The following KHDRBS3 variants were observed in gnomAD, a reference collection of about 807,000 sequenced individuals.
KHDRBS3 encodes KH RNA binding domain containing, signal transduction associated 3, also known as KH domain-containing, RNA-binding, signal transduction-associated protein 3.
Under a neutral mutation model 45.6 loss-of-function variants are expected in KHDRBS3, and 23 were observed. The observed-to-expected ratio is 0.50, with a 90% CI of 0.36 to 0.72. The LOEUF is 0.72. Ranked by LOEUF, KHDRBS3 falls within the 30% of genes least tolerant of loss-of-function variation. The probability of loss-of-function intolerance (pLI) is 0.00; values close to 1 mark genes in which losing one functional copy is unlikely to be tolerated. For synonymous variants in KHDRBS3, 162 were observed against 156.5 expected (o/e 1.04, Z -0.26); for missense variants, 352 against 424.8 (o/e 0.83, Z 1.51).
chr8:135,474,671 GA>G (rs1262888267), intron 1 of KHDRBS3, among the ~76,000 whole-genome samples: 17 of 152,102 alleles, frequency 1.1e-4, no homozygotes, highest in African/African-American at 3.9e-4. Context: ...ATCTGTGTAG[GA>G]AAAAAATGCT....
At chr8:135,498,420 T>G (rs1481223406) in intron 1 of KHDRBS3, among the ~76,000 whole-genome samples, 1 of 148,702 alleles carries the variant, frequency 6.7e-6, no homozygotes, top group Non-Finnish European at 1.5e-5. Context: ...GATCTTAGTT[T>G]ACATGTCCTT....
intron 7 of KHDRBS3, among the ~76,000 whole-genome samples, chr8:135,644,660 C>T (rs1268284980): frequency 2.0e-5 from 3 of 152,212 alleles, no homozygotes; most frequent in African/African-American, 7.2e-5. Flanking sequence ...TCCCACAGTG[C>T]CTTGCACAGG....
intron 1 of KHDRBS3, among the ~76,000 whole-genome samples, chr8:135,520,655 G>A (rs1824859303): frequency 6.6e-6 from 1 of 152,190 alleles, no homozygotes; most frequent in African/African-American, 2.4e-5. Context: ...ATGTGGTTGA[G>A]TCTCGAAAGG....
At chr8:135,484,737 T>A (rs1822759359) in intron 1 of KHDRBS3, among the ~76,000 whole-genome samples, 1 of 152,234 alleles carries the variant, frequency 6.6e-6, no homozygotes, top group Non-Finnish European at 1.5e-5. Context: ...TTGCTTAGCA[T>A]ATTTAAAACT....
chr8:135,621,289 A>G (rs557077773), intron 7 of KHDRBS3, among the ~76,000 whole-genome samples: 1 of 152,340 alleles, frequency 6.6e-6, no homozygotes, highest in African/African-American at 2.4e-5. Flanking sequence ...AATAAGTACT[A>G]TATAAATTAG....
chr8:135,485,065 C>T (rs1280501936), intron 1 of KHDRBS3, among the ~76,000 whole-genome samples: 2 of 152,130 alleles, frequency 1.3e-5, no homozygotes, highest in African/African-American at 2.4e-5. Flanking sequence ...ACAGAAAAAA[C>T]CCTCTCTCTC....
intron 6 of KHDRBS3, among the ~76,000 whole-genome samples, chr8:135,590,123 C>T (rs183699895): frequency 2.6e-5 from 4 of 152,280 alleles, no homozygotes; most frequent in East Asian, 1.9e-4. Context: ...AGCCCACTAC[C>T]GCCTAGGCTA....
intron 1 of KHDRBS3, among the ~76,000 whole-genome samples, chr8:135,510,047 A>G (rs1304341014): frequency 6.9e-6 from 1 of 144,802 alleles, no homozygotes; most frequent in Non-Finnish European, 1.5e-5. Flanking sequence ...TAGTGCAGGC[A>G]TAGGTCACTA....
At chr8:135,606,028 T>G (rs1829446262) in intron 6 of KHDRBS3, among the ~76,000 whole-genome samples, 2 of 152,158 alleles carry the variant, frequency 1.3e-5, no homozygotes, top group African/African-American at 2.4e-5. Flanking sequence ...TCTTATAAAG[T>G]CTCTATTTCT....
At chr8:135,493,977 G>C (rs1381442401) in intron 1 of KHDRBS3, among the ~76,000 whole-genome samples, 1 of 152,076 alleles carries the variant, frequency 6.6e-6, no homozygotes, top group Non-Finnish European at 1.5e-5. Context: ...CTTTTTGAGT[G>C]AGCTTTGGTA....
At chr8:135,515,948 A>G (rs1232866215) in intron 1 of KHDRBS3, among the ~76,000 whole-genome samples, 4 of 152,224 alleles carry the variant, frequency 2.6e-5, no homozygotes, top group Non-Finnish European at 5.9e-5. Flanking sequence ...GTTCTGAGGA[A>G]TGCATCCTTA....
intron 5 of KHDRBS3, among the ~76,000 whole-genome samples, chr8:135,576,621 C>T (rs977185593): frequency 5.9e-5 from 9 of 152,000 alleles, no homozygotes; most frequent in African/African-American, 2.2e-4. Context: ...TGGCACTACA[C>T]ATTGCTCCAG....
chr8:135,519,706 A>G (rs892465197), intron 1 of KHDRBS3, among the ~76,000 whole-genome samples: 2 of 152,218 alleles, frequency 1.3e-5, no homozygotes, highest in Admixed American at 1.3e-4. Context: ...CAGATCTGAG[A>G]CGAGAATCTA....
intron 4 of KHDRBS3, among the ~76,000 whole-genome samples, chr8:135,553,419 T>C (rs572786968): frequency 6.7e-6 from 1 of 150,266 alleles, no homozygotes; most frequent in South Asian, 2.1e-4. Flanking sequence ...TAGTACCTTT[T>C]GTTTTTAACT....
At chr8:135,529,306 T>G (rs573377416) in intron 2 of KHDRBS3, among the ~76,000 whole-genome samples, 3 of 152,310 alleles carry the variant, frequency 2.0e-5, no homozygotes, top group East Asian at 3.9e-4. Flanking sequence ...GCTCTGGACT[T>G]GGGTCTTGTG....
chr8:135,568,868 C>T (rs1459250941), intron 5 of KHDRBS3, among the ~76,000 whole-genome samples: 1 of 152,200 alleles, frequency 6.6e-6, no homozygotes, highest in Non-Finnish European at 1.5e-5. Flanking sequence ...TTGCCTCCCC[C>T]TGTAACTGGT....
chr8:135,603,312 AGGAATTTTCCTTC>A (rs1829301806), intron 6 of KHDRBS3, among the ~76,000 whole-genome samples: 1 of 152,230 alleles, frequency 6.6e-6, no homozygotes, highest in Admixed American at 6.5e-5. Context: ...TTAATTTAAT[AGGAATTTTCCTTC>A]CATTAGGAGC....
chr8:135,630,482 A>AATGTATGT (rs11269726), intron 7 of KHDRBS3, among the ~76,000 whole-genome samples: 45 of 150,992 alleles, frequency 3.0e-4, no homozygotes, highest in East Asian at 1.4e-3. Flanking sequence ...TATAAAGTTT[A>AATGTATGT]ATGTATGTAT....
rs373722996 is a variant in KHDRBS3, at chr8:135,480,774, CGTA to C, written c.88+22823_88+22825del. Among the ~76,000 whole-genome samples, 64 of 152,206 alleles carry C rather than the reference CGTA, an allele frequency of 4.2e-4. No individual in the cohort carries two copies. The East Asian group carries it at 6.0e-3, about 14-fold the overall frequency. On this transcript the variant is annotated intron_variant, in intron 1 of 8. Transcript: ENST00000355849. ...TTTTATATTAAGTTTAATATTCTGTCGTAGTCATTTTCTTAAGTCGTCAGAAAG... is the reference window on the plus strand; with the variant it reads ...TTTTATATTAAGTTTAATATTCTGTCGTCATTTTCTTAAGTCGTCAGAAAG...
Sources: gnomAD v4.1 joint callset for allele counts (sites outside exome capture counted in the v4.1 genomes callset) on GRCh38, gnomAD v4.1.1 for gene constraint, MANE v1.5 for transcripts, NCBI Gene and HGNC (gene_info 2026-07-23, HGNC 2026-07-21) for gene names.